Variants in ASIC2 observed in about 807,000 individuals in gnomAD.
The protein encoded by ASIC2 is acid sensing ion channel subunit 2, also known as acid-sensing ion channel 2.
A neutral mutation model predicts 57.3 loss-of-function variants in ASIC2; 25 were observed. That is an observed-to-expected ratio of 0.44 (90% CI 0.32 to 0.61). The LOEUF (loss-of-function observed/expected upper bound fraction) is 0.61. Ranked by LOEUF, ASIC2 falls within the 20% of genes least tolerant of loss-of-function variation. The probability of loss-of-function intolerance (pLI) is 0.06; values close to 1 mark genes in which losing one functional copy is unlikely to be tolerated. For missense variants in ASIC2, 641 were observed against 738.1 expected, an observed-to-expected ratio of 0.87 and a Z score of 1.52; for synonymous variants, 319 against 307.5, an observed-to-expected ratio of 1.04 and a Z score of -0.39.
intron 1 of ASIC2, among the ~76,000 whole-genome samples, chr17:33,641,769 A>ACAGTTTAAAGTCAGGCAGGG: frequency 6.6e-6 from 1 of 152,162 alleles, no homozygotes; most frequent in Admixed American, 6.5e-5. Flanking sequence ...CTGTGGCAGG[A>ACAGTTTAAAGTCAGGCAGGG]CAGTTTAAAG....
chr17:33,825,687 C>T (rs1912884096), intron 1 of ASIC2, among the ~76,000 whole-genome samples: 1 of 152,128 alleles, frequency 6.6e-6, no homozygotes. Flanking sequence ...AATTCACAAG[C>T]ACTTAAAGAC....
intron 1 of ASIC2, among the ~76,000 whole-genome samples, chr17:33,853,226 A>G (rs1913823136): frequency 2.0e-5 from 3 of 152,170 alleles, no homozygotes; most frequent in Non-Finnish European, 4.4e-5. Context: ...TTACATCCTA[A>G]GGAGGGAGAG....
At chr17:33,200,093 T>G (rs1292039650) in intron 1 of ASIC2, among the ~76,000 whole-genome samples, 1 of 152,162 alleles carries the variant, frequency 6.6e-6, no homozygotes, top group Non-Finnish European at 1.5e-5. Flanking sequence ...CTTTTACCCT[T>G]AGGGGAAGCT....
chr17:34,116,459 G>A (rs1911426384), intron 1 of ASIC2, among the ~76,000 whole-genome samples: 1 of 152,196 alleles, frequency 6.6e-6, no homozygotes. Flanking sequence ...CTTTATGGCA[G>A]TGATTCACCC....
intron 1 of ASIC2, among the ~76,000 whole-genome samples, chr17:33,990,513 T>C (rs190356211): frequency 2.0e-5 from 3 of 152,328 alleles, no homozygotes; most frequent in Non-Finnish European, 2.9e-5. Context: ...GAAAATGTCC[T>C]GTCAAAGACC....
chr17:33,103,993 T>C (rs1398196665), intron 2 of ASIC2, among the ~76,000 whole-genome samples: 1 of 152,192 alleles, frequency 6.6e-6, no homozygotes, highest in Non-Finnish European at 1.5e-5. Context: ...ATGCCTCTAA[T>C]TCCCGATCCT....
intron 1 of ASIC2, among the ~76,000 whole-genome samples, chr17:33,262,700 G>C (rs954563395): frequency 6.6e-6 from 1 of 152,146 alleles, no homozygotes; most frequent in Admixed American, 6.5e-5. Context: ...GTGACAGATG[G>C]TTCTTATCCT....
intron 1 of ASIC2, among the ~76,000 whole-genome samples, chr17:34,109,591 A>G (rs8073137): frequency 4.9e-4 from 75 of 152,320 alleles, no homozygotes; most frequent in African/African-American, 1.8e-3. Flanking sequence ...CTTGATCGAT[A>G]TCCTTTCCAA....
intron 3 of ASIC2, among the ~76,000 whole-genome samples, chr17:33,055,119 A>G (rs1454737944): frequency 3.3e-5 from 5 of 152,180 alleles, no homozygotes; most frequent in Non-Finnish European, 7.3e-5. Flanking sequence ...TGTTGTATCT[A>G]ATGGAGTTAC....
At chr17:33,174,403 G>C (rs1905654041) in intron 1 of ASIC2, among the ~76,000 whole-genome samples, 1 of 144,660 alleles carries the variant, frequency 6.9e-6, no homozygotes, top group African/African-American at 2.6e-5. Flanking sequence ...CCTGGGTGAT[G>C]CAGCAAGACT....
chr17:33,500,427 T>C (rs970053581), intron 1 of ASIC2, among the ~76,000 whole-genome samples: 7 of 152,190 alleles, frequency 4.6e-5, no homozygotes, highest in African/African-American at 1.7e-4. Context: ...CAATGGCCCA[T>C]GGAATGGCTC....
chr17:33,802,684 G>A (rs1243354548), intron 1 of ASIC2, among the ~76,000 whole-genome samples: 3 of 152,226 alleles, frequency 2.0e-5, no homozygotes, highest in Admixed American at 1.3e-4. Context: ...CTTCAGTCAG[G>A]AGAATCCTCT....
At chr17:33,501,773 A>G (rs58531174) in intron 1 of ASIC2, among the ~76,000 whole-genome samples, 59,491 of 152,050 alleles carry the variant, frequency 0.39, 12,081 homozygotes, top group Non-Finnish European at 0.46. Flanking sequence ...CTTCCTTTTC[A>G]TAAAAGGCCA....
chr17:33,959,115 G>A (rs754813957), intron 1 of ASIC2, among the ~76,000 whole-genome samples: 2 of 152,308 alleles, frequency 1.3e-5, no homozygotes, highest in African/African-American at 2.4e-5. Flanking sequence ...TTTGGTCAAA[G>A]CCATTCAACA....
chr17:33,757,359 C>T (rs926240844), intron 1 of ASIC2, among the ~76,000 whole-genome samples: 8 of 152,186 alleles, frequency 5.3e-5, no homozygotes, highest in Non-Finnish European at 1.2e-4. Context: ...TGGTGACTCA[C>T]ACCTGTAATC....
intron 1 of ASIC2, among the ~76,000 whole-genome samples, chr17:33,577,905 T>C (rs969405596): frequency 6.6e-6 from 1 of 152,086 alleles, no homozygotes; most frequent in African/African-American, 2.4e-5. Flanking sequence ...TCCTGGTGCT[T>C]GAGGTGTGAG....
chr17:34,148,287 T>A (rs1904371329), intron 1 of ASIC2, among the ~76,000 whole-genome samples: 1 of 152,356 alleles, frequency 6.6e-6, no homozygotes, highest in South Asian at 2.1e-4. Context: ...TAGTCAGCTC[T>A]CAGTCATTGT....
At chr17:33,104,093 C>T (rs530875341) in intron 2 of ASIC2, among the ~76,000 whole-genome samples, 43 of 152,242 alleles carry the variant, frequency 2.8e-4, no homozygotes, top group Admixed American at 1.2e-3. Flanking sequence ...TCTGCCAAGT[C>T]GATTGCCACT....
chr17:33,813,385 A>T (rs1374261420), intron 1 of ASIC2, among the ~76,000 whole-genome samples: 8 of 152,060 alleles, frequency 5.3e-5, no homozygotes, highest in Admixed American at 5.2e-4. Flanking sequence ...AAACAAACAA[A>T]CAAACAAACC....
Sources: allele counts gnomAD v4.1 joint callset (sites outside exome capture counted in the v4.1 genomes callset), GRCh38; gene constraint gnomAD v4.1.1; transcripts MANE v1.5; gene names NCBI Gene and HGNC (gene_info 2026-07-23, HGNC 2026-07-21).